Variants in ERBB4 observed in about 807,000 individuals in gnomAD.
ERBB4 encodes erb-b2 receptor tyrosine kinase 4.
In ERBB4, 42 loss-of-function variants were observed where a neutral mutation model predicts 158.0. That is an observed-to-expected ratio of 0.27 (90% CI 0.21 to 0.34). The LOEUF (loss-of-function observed/expected upper bound fraction) is 0.34, where lower values mean the gene tolerates loss of function less well. ERBB4 is among the 10% of genes least tolerant of loss of function. The probability of loss-of-function intolerance (pLI) is 1.00; values close to 1 mark genes in which losing one functional copy is unlikely to be tolerated. For missense variants in ERBB4, 1,333 were observed against 1,624.1 expected (o/e 0.82, Z 3.08); for synonymous variants, 583 against 558.7 (o/e 1.04, Z -0.61).
chr2:211,682,264 C>T (rs2072377932), intron 12 of ERBB4, among the ~76,000 whole-genome samples: 1 of 152,086 alleles, frequency 6.6e-6, no homozygotes, highest in South Asian at 2.1e-4. Context: ...CCAGAAGCAT[C>T]AATGATGTAA....
chr2:212,025,497 A>AT (rs1418695203), intron 2 of ERBB4, among the ~76,000 whole-genome samples: 1 of 151,878 alleles, frequency 6.6e-6, no homozygotes, highest in Non-Finnish European at 1.5e-5. Flanking sequence ...AACACTTGTG[A>AT]TAAAGGCAGA....
Position 212,147,206 on chromosome 2 carries a change from A to G in ERBB4, c.83-22303T>C, listed in dbSNP as rs148888385. Among the ~76,000 whole-genome samples, 483 of 62,384 alleles carry G rather than the reference A, an allele frequency of 7.7e-3. 2 individuals are homozygous for G. The highest frequency in any genetic ancestry group is 0.034 in the Middle Eastern group (3 of 88). 40.9% of individuals were successfully genotyped at this position (62,384 alleles called of 152,430 possible). A position where few individuals can be genotyped will look rare whatever the true frequency, so the allele number is the denominator to read the frequency against. The stretch of plus-strand genomic sequence containing the variant: ...TTTTTTGTAGAGATGGGGTTTTGCC[A>G]TTTTTCCCAGGCTGGTCTCGAACTC... On this transcript the variant is annotated intron_variant, in intron 1 of 27. Transcript: ENST00000342788.
intron 25 of ERBB4, among the ~76,000 whole-genome samples, chr2:211,417,211 A>T (rs1345669754): frequency 6.6e-6 from 1 of 152,098 alleles, no homozygotes; most frequent in African/African-American, 2.4e-5. Flanking sequence ...GGTGGCTCAC[A>T]CTTGTAATCT....
intron 3 of ERBB4, among the ~76,000 whole-genome samples, chr2:211,927,776 A>G (rs2080059900): frequency 6.6e-6 from 1 of 151,954 alleles, no homozygotes; most frequent in African/African-American, 2.4e-5. Context: ...GTTGGTTTTC[A>G]TTATCTAGAA....
At chr2:211,695,941 T>C (rs183574117) in intron 12 of ERBB4, among the ~76,000 whole-genome samples, 34 of 150,196 alleles carry the variant, frequency 2.3e-4, no homozygotes, top group African/African-American at 8.5e-4. Context: ...GCTCTTTCTT[T>C]TCTTTCTTTT....
At chr2:211,823,814 T>C (rs2077042697) in intron 3 of ERBB4, among the ~76,000 whole-genome samples, 1 of 152,060 alleles carries the variant, frequency 6.6e-6, no homozygotes, top group African/African-American at 2.4e-5. Context: ...TGCTAAGCAT[T>C]TCACTATTTC....
rs2125872582 is a variant in ERBB4 at position 211,630,488 on chromosome 2, C to T, written c.2053G>A (p.Ala685Thr). ...TCTGTTTCCAAGAATCTTCTCAAGG[C>T]TCTTTTCTTTTTGATGCTCTTCCTT... Reference protein sequence around the residue: ...VRRKSIKKKRALRRFLETELV... With the variant: ...VRRKSIKKKRTLRRFLETELV... Residue 685 changes from alanine (A) to threonine (T), a missense_variant, in exon 17 of 28, where the codon GCC becomes ACC. Ala to Thr is a moderately conservative substitution (Grantham distance 58). Coordinates refer to ENST00000342788, the MANE Select transcript of ERBB4 (RefSeq NM_005235.3). 6.2e-7 allele frequency: 1 copy of T among 1,613,274 alleles called. No homozygotes were observed. The highest frequency in any genetic ancestry group is 1.3e-5 in the African/African-American group (1 of 75,000).
intron 1 of ERBB4, among the ~76,000 whole-genome samples, chr2:212,263,226 G>C (rs1036920988): frequency 1.3e-5 from 2 of 151,958 alleles, no homozygotes; most frequent in African/African-American, 2.4e-5. Flanking sequence ...GCTTCCAAAG[G>C]AACCAACCCT....
chr2:212,069,509 CA>C (rs1228141747), intron 2 of ERBB4, among the ~76,000 whole-genome samples: 1 of 151,952 alleles, frequency 6.6e-6, no homozygotes, highest in Non-Finnish European at 1.5e-5. Flanking sequence ...AGGAACAAGG[CA>C]AATACGTTTA....
chr2:211,781,891 C>T (rs1186930368), intron 4 of ERBB4, among the ~76,000 whole-genome samples: 2 of 152,150 alleles, frequency 1.3e-5, no homozygotes, highest in Admixed American at 1.3e-4. Flanking sequence ...TGTCCTCCCA[C>T]GCCAGACTTG....
chr2:211,679,037 T>C lies in ERBB4; in HGVS notation c.1622+15A>G. ...AAAGCTCATGAGGTGAAGGCAACCC[T>C]AGAAGAAGCCTTACCCATCATAGAG... On this transcript the variant is annotated intron_variant, in intron 13 of 27. Transcript: ENST00000342788. 5.4e-6 allele frequency: 8 copies of C among 1,495,208 alleles called. No individual in the cohort carries two copies. Among genetic ancestry groups the C allele is most frequent in the Non-Finnish European group, 7.3e-6 (8 of 1,102,288 alleles). 92.6% of individuals were successfully genotyped at this position (1,495,208 alleles called of 1,614,324 possible).
intron 2 of ERBB4, among the ~76,000 whole-genome samples, chr2:212,003,035 C>G (rs1188922737): frequency 1.4e-5 from 2 of 145,988 alleles, no homozygotes; most frequent in Non-Finnish European, 3.0e-5. Context: ...GCTTGAGCAA[C>G]AGAGCGAAAC....
At chr2:212,322,987 G>C (rs1014690236) in intron 1 of ERBB4, among the ~76,000 whole-genome samples, 2 of 150,218 alleles carry the variant, frequency 1.3e-5, no homozygotes, top group Admixed American at 6.6e-5. Flanking sequence ...ATAGGGAGCT[G>C]ATTGCTTGAT....
At position 211,936,375 on chromosome 2, in the gene ERBB4, CTG is replaced by C. The variant is rs941342401; in HGVS notation, c.421+11053_421+11054del. ...GATTTTCACCACAGAGAAAATGAAA[CTG>C]AGTAAATTGAATGCTCTTAGAAGGA... On this transcript the variant is annotated intron_variant, in intron 3 of 27. Coordinates refer to ENST00000342788, the MANE Select transcript of ERBB4 (RefSeq NM_005235.3). Among the ~76,000 whole-genome samples, 9 of 151,666 alleles carry C rather than the reference CTG, an allele frequency of 5.9e-5. No individual in the cohort carries two copies. In the South Asian group the frequency reaches 6.2e-4, roughly 11 times the overall value.
intron 2 of ERBB4, among the ~76,000 whole-genome samples, chr2:212,109,439 T>TCC (rs1172995171): frequency 6.6e-6 from 1 of 152,196 alleles, no homozygotes; most frequent in Non-Finnish European, 1.5e-5. Context: ...TTACTATGGT[T>TCC]CCCTTCAGTA....
At chr2:212,134,932 T>C (rs991165525) in intron 1 of ERBB4, among the ~76,000 whole-genome samples, 131 of 152,132 alleles carry the variant, frequency 8.6e-4, no homozygotes, top group African/African-American at 2.9e-3. Context: ...GTGATCCGCC[T>C]GCCTCGGCCT....
intron 2 of ERBB4, among the ~76,000 whole-genome samples, chr2:212,072,970 T>C (rs1382421370): frequency 6.6e-6 from 1 of 151,910 alleles, no homozygotes; most frequent in Admixed American, 6.6e-5. Context: ...ACAACTGGAC[T>C]GAGGCTTGAG....
chr2:211,581,752 C>T (rs2068111156), intron 19 of ERBB4, among the ~76,000 whole-genome samples: 1 of 152,120 alleles, frequency 6.6e-6, no homozygotes. Context: ...TGGCTCACAC[C>T]TGTATTCCCA....
intron 1 of ERBB4, among the ~76,000 whole-genome samples, chr2:212,524,527 T>C (rs1182241432): frequency 6.6e-6 from 1 of 152,076 alleles, no homozygotes; most frequent in East Asian, 1.9e-4. Flanking sequence ...ATACTCACTC[T>C]TGGGAAAATG....
Sources: gnomAD v4.1 joint callset for allele counts (sites outside exome capture counted in the v4.1 genomes callset) on GRCh38, gnomAD v4.1.1 for gene constraint, MANE v1.5 for transcripts, NCBI Gene and HGNC (gene_info 2026-07-23, HGNC 2026-07-21) for gene names.